MAGEC3: variants seen among roughly 807,000 people sequenced by gnomAD.
MAGEC3 encodes the protein MAGE family member C3.
In MAGEC3, 34 loss-of-function variants were observed where a neutral mutation model predicts 35.3. That is an observed-to-expected ratio of 0.96 (90% CI 0.73 to 1.28). The LOEUF (loss-of-function observed/expected upper bound fraction) is 1.28, where lower values mean the gene tolerates loss of function less well. MAGEC3 is among the 50% of genes most tolerant of loss of function. The pLI is 0.00. For synonymous variants in MAGEC3, 202 were observed against 185.6 expected (o/e 1.09, Z -0.72); for missense variants, 561 against 483.6 (o/e 1.16, Z -1.50).
At chrX:141,855,114 C>G (rs2124091382) in intron 1 of MAGEC3, among the ~76,000 whole-genome samples, 1 of 111,002 alleles carries the variant, frequency 9.0e-6, no homozygotes, top group East Asian at 2.9e-4. Context: ...AGTGGTAAGA[C>G]AGGTAACACG....
intron 2 of MAGEC3, 30 bp downstream of exon 2, chrX:141,865,635 C>A: frequency 8.5e-7 from 1 of 1,178,017 alleles, no homozygotes; most frequent in African/African-American, 1.8e-5. Context: ...ACTGAGGGGA[C>A]CTCCTGCCAC....
intron 1 of MAGEC3, among the ~76,000 whole-genome samples, chrX:141,843,730 T>C (rs1162405856): frequency 9.0e-6 from 1 of 110,924 alleles, no homozygotes; most frequent in African/African-American, 3.3e-5. Flanking sequence ...TCCCTCTGAT[T>C]AGTAAGCCTT....
intron 1 of MAGEC3, among the ~76,000 whole-genome samples, chrX:141,857,681 C>T (rs147653067): frequency 0.072 from 7,976 of 110,669 alleles, 286 homozygotes; most frequent in South Asian, 0.22. Context: ...GATGACTCCA[C>T]CCCACTTTAC....
chrX:141,854,590 C>G (rs927641335), intron 1 of MAGEC3, among the ~76,000 whole-genome samples: 3 of 111,268 alleles, frequency 2.7e-5, no homozygotes, highest in Non-Finnish European at 5.7e-5. Flanking sequence ...TCCTCGTTCT[C>G]CCTTTGCCTG....
At chrX:141,840,531 C>T (rs1054839411) in intron 1 of MAGEC3, among the ~76,000 whole-genome samples, 2 of 111,564 alleles carry the variant, frequency 1.8e-5, no homozygotes, top group African/African-American at 3.2e-5. Context: ...TCTTTAAGAA[C>T]ATTTCATAAA....
intron 1 of MAGEC3, among the ~76,000 whole-genome samples, chrX:141,859,492 C>G (rs180752993): frequency 5.5e-4 from 61 of 111,306 alleles, no homozygotes; most frequent in African/African-American, 1.9e-3. Flanking sequence ...AGTAGGAGAC[C>G]TTGGACATTA....
chrX:141,839,857 T>A (rs1341032905), intron 1 of MAGEC3: 1 of 465,231 alleles, frequency 2.1e-6, no homozygotes, highest in Non-Finnish European at 2.7e-6. Context: ...GGAATGCTAC[T>A]GGTATTTAAT....
intron 1 of MAGEC3, among the ~76,000 whole-genome samples, chrX:141,852,138 T>A (rs774188808): frequency 5.4e-4 from 59 of 108,578 alleles, no homozygotes; most frequent in Non-Finnish European, 9.4e-4. Flanking sequence ...TAGTTTTCAT[T>A]GTGTAAGCAT....
chrX:141,859,228 G>T (rs889192961), intron 1 of MAGEC3, among the ~76,000 whole-genome samples: 1 of 110,573 alleles, frequency 9.0e-6, no homozygotes, highest in African/African-American at 3.3e-5. Flanking sequence ...TTTCCAAAAA[G>T]ATTTTAGTGA....
Position 141,897,159 on chromosome X carries a change from T to A in MAGEC3, c.1401T>A (p.Leu467=). ...AGGTGGCTGAGTTGGTGCAGTTTCTTCTCCTCAAATATCAAACAAAAGAGC... is the reference window on the plus strand; with the variant it reads ...AGGTGGCTGAGTTGGTGCAGTTTCTACTCCTCAAATATCAAACAAAAGAGC... ...DEKVAELVQF[L]LLKYQTKEPV... Residue 467 remains leucine, a synonymous_variant, in exon 7 of 8, where the codon CTT becomes CTA. Coordinates refer to ENST00000298296, the MANE Select transcript of MAGEC3 (RefSeq NM_138702.1). 8.3e-7 allele frequency: 1 copy of A among 1,211,551 alleles called. No individual in the cohort carries two copies.
At chrX:141,848,154 C>A (rs890803921) in intron 1 of MAGEC3, among the ~76,000 whole-genome samples, 7 of 109,384 alleles carry the variant, frequency 6.4e-5, no homozygotes, top group Non-Finnish European at 1.1e-4. Context: ...TCTAAAGAGG[C>A]AGCTATATAG....
At chrX:141,839,719 T>C in intron 1 of MAGEC3, 1 of 747,980 alleles carries the variant, frequency 1.3e-6, no homozygotes. Context: ...TATCTTTATA[T>C]CCATTTTCCC....
intron 1 of MAGEC3, among the ~76,000 whole-genome samples, chrX:141,843,916 G>A (rs185772178): frequency 1.8e-5 from 2 of 110,592 alleles, no homozygotes; most frequent in Admixed American, 9.6e-5. Flanking sequence ...CTCCTCAAGC[G>A]CATCCCTTAT....
intron 1 of MAGEC3, among the ~76,000 whole-genome samples, chrX:141,858,798 G>T (rs936198188): frequency 9.0e-5 from 10 of 110,712 alleles, no homozygotes; most frequent in Non-Finnish European, 1.7e-4. Flanking sequence ...TTGTGTGTGT[G>T]TATGTATATA....
chrX:141,871,742 A>G (rs1332696193), intron 2 of MAGEC3, among the ~76,000 whole-genome samples: 1 of 111,791 alleles, frequency 8.9e-6, no homozygotes, highest in Non-Finnish European at 1.9e-5. Context: ...CAGATTAGAC[A>G]TGGAGAAAGG....
chrX:141,874,895 G>T (rs1701742443), intron 2 of MAGEC3, among the ~76,000 whole-genome samples: 1 of 110,960 alleles, frequency 9.0e-6, no homozygotes. Flanking sequence ...GGTGGTGGTT[G>T]ACTATCAAGG....
intron 4 of MAGEC3, among the ~76,000 whole-genome samples, chrX:141,884,664 G>A (rs4298618): frequency 0.051 from 5,673 of 111,254 alleles, 307 homozygotes; most frequent in African/African-American, 0.16. Context: ...TTCTAATGGC[G>A]TGGAGAACAC....
At position 141,897,382 on chromosome X, in the gene MAGEC3, G is replaced by A; in HGVS notation, c.1624G>A (p.Gly542Ser). The A allele has an allele frequency of 8.3e-7, 1 of 1,211,633 alleles. No homozygotes were observed. The highest frequency in any genetic ancestry group is 1.1e-6 in the Non-Finnish European group (1 of 895,512). ...TGAGGGAAGCCTGATTGATGACCAG[G>A]GCATGCCCAAGAACTGTCTCCTGAT... ...TYEGSLIDDQ[G>S]MPKNCLLILI... Residue 542 changes from glycine (G) to serine (S), a missense_variant, in exon 7 of 8, where the codon GGC becomes AGC. By Grantham distance (56) the Gly-to-Ser change is moderately conservative. Coordinates refer to ENST00000298296, the MANE Select transcript of MAGEC3 (RefSeq NM_138702.1).
intron 2 of MAGEC3, among the ~76,000 whole-genome samples, chrX:141,876,136 A>C (rs2124111273): frequency 8.9e-6 from 1 of 111,801 alleles, no homozygotes; most frequent in East Asian, 2.8e-4. Flanking sequence ...AGGAAAATAA[A>C]CCTCTATTCC....
Sources: allele counts gnomAD v4.1 joint callset (sites outside exome capture counted in the v4.1 genomes callset), GRCh38; gene constraint gnomAD v4.1.1; transcripts MANE v1.5; gene names NCBI Gene and HGNC (gene_info 2026-07-23, HGNC 2026-07-21).